Variants in CHODL observed in about 807,000 individuals in gnomAD.
CHODL encodes the protein chondrolectin, also known as transmembrane protein MT75.
CHODL carries 29 observed loss-of-function variants against 34.5 expected under a neutral mutation model. That is an observed-to-expected ratio of 0.84 (90% confidence interval 0.63 to 1.15). The LOEUF is 1.15. Ranked by LOEUF, CHODL falls within the 50% of genes most tolerant of loss-of-function variation. The probability of loss-of-function intolerance (pLI) is 0.00; values close to 1 mark genes in which losing one functional copy is unlikely to be tolerated. For synonymous variants in CHODL, 125 were observed against 116.1 expected (o/e 1.08, Z -0.49); for missense variants, 332 against 332.5 (o/e 1.00, Z 0.01).
At chr21:18,093,188 T>C (rs2065095253) in intron 2 of CHODL, among the ~76,000 whole-genome samples, 1 of 152,032 alleles carries the variant, frequency 6.6e-6, no homozygotes, top group Non-Finnish European at 1.5e-5. Flanking sequence ...CATGACATAT[T>C]TAAAGTTATG....
chr21:17,954,434 G>T (rs569787852), intron 1 of CHODL, among the ~76,000 whole-genome samples: 14 of 146,042 alleles, frequency 9.6e-5, no homozygotes, highest in Non-Finnish European at 4.6e-5. Flanking sequence ...GTTTCTGGAA[G>T]AGATCAGCAT....
At chr21:18,032,514 A>C (rs2064259611) in intron 2 of CHODL, among the ~76,000 whole-genome samples, 1 of 151,998 alleles carries the variant, frequency 6.6e-6, no homozygotes, top group South Asian at 2.1e-4. Context: ...GGGGGAATTG[A>C]TTCCTACCCC....
At chr21:18,023,249 GA>G (rs2064143816) in intron 1 of CHODL, among the ~76,000 whole-genome samples, 1 of 152,116 alleles carries the variant, frequency 6.6e-6, no homozygotes, top group Non-Finnish European at 1.5e-5. Flanking sequence ...TCACTACAAA[GA>G]GATTCCCCAG....
At chr21:18,136,752 A>ATG (rs1187469180) in intron 2 of CHODL, among the ~76,000 whole-genome samples, 1 of 137,408 alleles carries the variant, frequency 7.3e-6, no homozygotes, top group Non-Finnish European at 1.6e-5. Context: ...ATATATATAT[A>ATG]TGTATACACA....
chr21:18,242,917 A>G (rs949489081), upstream of CHODL, among the ~76,000 whole-genome samples: 1 of 152,184 alleles, frequency 6.6e-6, no homozygotes, highest in South Asian at 2.1e-4. Context: ...ACTGATATAT[A>G]GGAATATCTA....
At position 18,003,385 on chromosome 21, in the gene CHODL, CATTAT is replaced by C. The variant is rs1175963727; in HGVS notation, c.-144-24486_-144-24482del. On this transcript the variant is annotated intron_variant, in intron 1 of 6. Transcript: ENST00000400127. ...ACTTCAGAAAAATAATAATATATTA[CATTAT>C]TTTATTTTATTAATTATAAAAATTA... is the stretch of plus-strand genomic sequence containing the variant. Among the ~76,000 whole-genome samples the C allele has an allele frequency of 4.6e-5, 6 of 129,168 alleles. No homozygotes were observed. The South Asian group carries it at 9.7e-4, about 21-fold the overall frequency. The allele number at this position is 129,168 out of a possible 152,430, so 84.7% of individuals were successfully genotyped here. A position where few individuals can be genotyped will look rare whatever the true frequency, so the allele number is the denominator to read the frequency against.
chr21:18,201,521 G>A (rs1432819212), intron 2 of CHODL, among the ~76,000 whole-genome samples: 2 of 151,788 alleles, frequency 1.3e-5, no homozygotes. Context: ...CCTTGGCTAG[G>A]GAAAAGTACA....
chr21:18,231,529 T>A (rs1005393969), intron 2 of CHODL, among the ~76,000 whole-genome samples: 1 of 152,104 alleles, frequency 6.6e-6, no homozygotes, highest in Admixed American at 6.6e-5. Context: ...AATATCCAGG[T>A]TGTAGTTCAG....
chr21:18,082,516 TG>T (rs1318330806), intron 2 of CHODL, among the ~76,000 whole-genome samples: 1 of 152,078 alleles, frequency 6.6e-6, no homozygotes, highest in African/African-American at 2.4e-5. Context: ...GATAGGAAGA[TG>T]GGGGAAAGTT....
intron 2 of CHODL, among the ~76,000 whole-genome samples, chr21:18,148,899 A>T (rs1349886457): frequency 7.0e-6 from 1 of 142,978 alleles, no homozygotes; most frequent in African/African-American, 2.5e-5. Flanking sequence ...AAAAAAAAAA[A>T]GGTCTGATGG....
At chr21:18,174,135 A>ATATATATATATATATATCTTGG (rs2073269889) in intron 2 of CHODL, among the ~76,000 whole-genome samples, 3 of 51,766 alleles carry the variant, frequency 5.8e-5, no homozygotes, top group Admixed American at 1.8e-4. Flanking sequence ...ATATATATAT[A>ATATATATATATATATATCTTGG]TATATATATA....
intron 2 of CHODL, among the ~76,000 whole-genome samples, chr21:18,186,656 A>G (rs1352333945): frequency 6.6e-6 from 1 of 152,178 alleles, no homozygotes; most frequent in Non-Finnish European, 1.5e-5. Context: ...TGAAGTGCAT[A>G]CTTTAGGAGT....
intron 1 of CHODL, among the ~76,000 whole-genome samples, chr21:17,986,820 A>G (rs1006152426): frequency 2.6e-5 from 4 of 152,114 alleles, no homozygotes; most frequent in African/African-American, 7.2e-5. Context: ...CAGTACTTTA[A>G]TTAATCAGAT....
chr21:18,005,842 G>A (rs2063955415), intron 1 of CHODL, among the ~76,000 whole-genome samples: 1 of 152,146 alleles, frequency 6.6e-6, no homozygotes, highest in African/African-American at 2.4e-5. Context: ...ATGGAGGAAG[G>A]GAGAGCATCA....
At chr21:18,029,938 C>T (rs992591677) in intron 2 of CHODL, among the ~76,000 whole-genome samples, 4 of 152,116 alleles carry the variant, frequency 2.6e-5, no homozygotes, top group African/African-American at 9.7e-5. Context: ...GTGTTATTAG[C>T]TTTTATCCTC....
At chr21:18,162,882 C>A (rs1436926787) in intron 2 of CHODL, among the ~76,000 whole-genome samples, 1 of 152,056 alleles carries the variant, frequency 6.6e-6, no homozygotes, top group East Asian at 1.9e-4. Flanking sequence ...CTCAAGAGAC[C>A]CTTCTGCCTC....
chr21:18,108,687 T>G (rs764270592), intron 2 of CHODL, among the ~76,000 whole-genome samples: 2 of 152,192 alleles, frequency 1.3e-5, no homozygotes, highest in Non-Finnish European at 2.9e-5. Context: ...AATTAAAATT[T>G]GGTCATTCCA....
At position 18,256,564 on chromosome 21, in the gene CHODL, C is replaced by G. The variant is rs1453186450; in HGVS notation, c.135C>G (p.Phe45Leu). Reference protein sequence around the residue: ...FKHPCYKMAYFHELSSRVSFQ... With the variant: ...FKHPCYKMAYLHELSSRVSFQ... The stretch of plus-strand genomic sequence containing the variant: ...ATCCCTGCTACAAAATGGCCTACTT[C>G]CATGAACTGTCCAGCCGAGTGAGCT... The change falls in exon 2 of 6, where the codon TTC becomes TTG. Residue 45 changes from phenylalanine to leucine, a missense_variant. Physicochemically the swap from Phe to Leu is conservative, Grantham distance 22. Coordinates refer to ENST00000299295, the MANE Select transcript of CHODL (RefSeq NM_024944.3). 6.8e-6 allele frequency: 11 copies of G among 1,613,576 alleles called. No homozygotes were observed. In the Admixed American group the frequency reaches 1.7e-4, roughly 24 times the overall value.
intron 1 of CHODL, among the ~76,000 whole-genome samples, chr21:18,249,354 G>A (rs1250991659): frequency 6.6e-6 from 1 of 150,858 alleles, no homozygotes; most frequent in Non-Finnish European, 1.5e-5. Context: ...TTTGTAATGT[G>A]GAATGCATTC....
Sources: gnomAD v4.1 joint callset for allele counts (sites outside exome capture counted in the v4.1 genomes callset) on GRCh38, gnomAD v4.1.1 for gene constraint, MANE v1.5 for transcripts, NCBI Gene and HGNC (gene_info 2026-07-23, HGNC 2026-07-21) for gene names.